Variants in HDAC9 observed in about 807,000 individuals in gnomAD.
HDAC9 encodes the protein MEF-2 interacting transcription repressor (MITR) protein.
HDAC9 carries 41 observed loss-of-function variants against 139.4 expected under a neutral mutation model. The ratio of observed to expected loss-of-function variants is 0.29; its 90% CI spans 0.23 to 0.38. The LOEUF (loss-of-function observed/expected upper bound fraction) is 0.38. Ranked by LOEUF, HDAC9 falls within the 10% of genes least tolerant of loss-of-function variation. The pLI, the probability that HDAC9 is intolerant of heterozygous loss-of-function variation, is 1.00. For missense variants in HDAC9, 1,147 were observed against 1,297.0 expected, an observed-to-expected ratio of 0.88 and a Z score of 1.78; for synonymous variants, 517 against 476.2, an observed-to-expected ratio of 1.09 and a Z score of -1.12.
At chr7:18,094,423 A>G (rs1782368469) in intron 1 of HDAC9, among the ~76,000 whole-genome samples, 1 of 149,228 alleles carries the variant, frequency 6.7e-6, no homozygotes. Flanking sequence ...GACCCAGCCT[A>G]TCTTTGTTAC....
At chr7:18,249,783 T>A (rs1433834215) in intron 2 of HDAC9, among the ~76,000 whole-genome samples, 1 of 152,148 alleles carries the variant, frequency 6.6e-6, no homozygotes, top group Non-Finnish European at 1.5e-5. Context: ...ACCTTATGAA[T>A]TATAATATTA....
intron 2 of HDAC9, among the ~76,000 whole-genome samples, chr7:18,183,167 A>G (rs377519261): frequency 5.0e-4 from 76 of 151,878 alleles, no homozygotes; most frequent in African/African-American, 9.2e-4. Context: ...CTGCCACCAC[A>G]CCCGGCTAAT....
chr7:18,641,913 C>T (rs1034612005), intron 8 of HDAC9, among the ~76,000 whole-genome samples: 2 of 152,030 alleles, frequency 1.3e-5, no homozygotes, highest in East Asian at 1.9e-4. Flanking sequence ...AAGAGATAAA[C>T]GTGGAACAGA....
chr7:18,516,862 GAAAAAAAAAAA>G (rs35689821), intron 2 of HDAC9, among the ~76,000 whole-genome samples: 1 of 55,090 alleles, frequency 1.8e-5, no homozygotes, highest in Non-Finnish European at 3.8e-5. Context: ...CTCCATTTCA[GAAAAAAAAAAA>G]AAAAAAAAAA....
chr7:18,721,897 A>G (rs1401736802), intron 12 of HDAC9, among the ~76,000 whole-genome samples: 1 of 152,200 alleles, frequency 6.6e-6, no homozygotes, highest in Non-Finnish European at 1.5e-5. Flanking sequence ...CTTGTCATAC[A>G]AAGACCTTCT....
intron 13 of HDAC9, among the ~76,000 whole-genome samples, chr7:18,739,562 A>G (rs899078595): frequency 3.9e-5 from 6 of 152,214 alleles, no homozygotes; most frequent in African/African-American, 1.2e-4. Flanking sequence ...GGTCCACTCC[A>G]GACCCTGTTT....
chr7:18,317,963 AAG>A (rs1177052627), intron 1 of HDAC9, among the ~76,000 whole-genome samples: 1 of 152,142 alleles, frequency 6.6e-6, no homozygotes, highest in Non-Finnish European at 1.5e-5. Flanking sequence ...TGGAAATGGG[AAG>A]AGAGTCTTGC....
chr7:18,171,383 ATC>A (rs1320392948), intron 2 of HDAC9, among the ~76,000 whole-genome samples: 3 of 152,214 alleles, frequency 2.0e-5, no homozygotes, highest in African/African-American at 7.2e-5. Flanking sequence ...CAATCATGTC[ATC>A]TGCAAACAGG....
At chr7:18,195,225 G>C (rs570516625) in intron 2 of HDAC9, among the ~76,000 whole-genome samples, 1 of 151,932 alleles carries the variant, frequency 6.6e-6, no homozygotes, top group Non-Finnish European at 1.5e-5. Context: ...AAAACCTAAG[G>C]TTCCCATATT....
chr7:18,916,070 C>T (rs1803183554), intron 22 of HDAC9, among the ~76,000 whole-genome samples: 1 of 150,452 alleles, frequency 6.6e-6, no homozygotes. Context: ...AGTCGTTAGG[C>T]CATACCCAAA....
At chr7:18,889,201 A>C (rs886403832) in intron 22 of HDAC9, among the ~76,000 whole-genome samples, 15 of 152,122 alleles carry the variant, frequency 9.9e-5, no homozygotes, top group African/African-American at 3.6e-4. Flanking sequence ...GGGTCTTTGC[A>C]TGAAAAGATC....
chr7:18,930,163 A>G (rs1346711232), intron 22 of HDAC9, among the ~76,000 whole-genome samples: 1 of 152,088 alleles, frequency 6.6e-6, no homozygotes, highest in Non-Finnish European at 1.5e-5. Flanking sequence ...GTGGTTGTTG[A>G]GAACCCCGTT....
At chr7:18,499,594 C>G (rs1797842546) in intron 2 of HDAC9, among the ~76,000 whole-genome samples, 1 of 152,012 alleles carries the variant, frequency 6.6e-6, no homozygotes, top group Non-Finnish European at 1.5e-5. Context: ...CAGGAGCTGG[C>G]AGGATTAGGG....
At chr7:18,751,658 CT>C (rs1788458945) in intron 14 of HDAC9, among the ~76,000 whole-genome samples, 1 of 151,752 alleles carries the variant, frequency 6.6e-6, no homozygotes, top group African/African-American at 2.4e-5. Flanking sequence ...ATACCTAGGA[CT>C]TTAATGGCAG....
At chr7:18,152,304 G>T (rs1199680392) in intron 1 of HDAC9, among the ~76,000 whole-genome samples, 5 of 152,200 alleles carry the variant, frequency 3.3e-5, no homozygotes, top group Non-Finnish European at 7.3e-5. Flanking sequence ...TGAGGAAACT[G>T]AAGGTCAGAA....
chr7:18,454,347 G>A (rs1327715033), intron 1 of HDAC9, among the ~76,000 whole-genome samples: 2 of 152,006 alleles, frequency 1.3e-5, no homozygotes, highest in Non-Finnish European at 1.5e-5. Context: ...TATTTGAATA[G>A]CACTTTAAAA....
intron 1 of HDAC9, among the ~76,000 whole-genome samples, chr7:18,340,254 T>G (rs560708786): frequency 6.6e-6 from 1 of 151,658 alleles, no homozygotes; most frequent in South Asian, 2.1e-4. Flanking sequence ...TTAACCTATT[T>G]GAGTCATATT....
At chr7:18,979,586 C>T (rs567099187) in intron 25 of HDAC9, among the ~76,000 whole-genome samples, 6 of 152,120 alleles carry the variant, frequency 3.9e-5, no homozygotes, top group East Asian at 1.9e-4. Context: ...TAAATAGCTG[C>T]GAATGGGTAA....
intron 1 of HDAC9, among the ~76,000 whole-genome samples, chr7:18,394,273 A>G (rs374757936): frequency 1.3e-5 from 2 of 152,196 alleles, no homozygotes; most frequent in Non-Finnish European, 2.9e-5. Flanking sequence ...TAGGTGTCAC[A>G]TTTATTTTAA....
Sources: gnomAD v4.1 joint callset for allele counts (sites outside exome capture counted in the v4.1 genomes callset) on GRCh38, gnomAD v4.1.1 for gene constraint, MANE v1.5 for transcripts, NCBI Gene and HGNC (gene_info 2026-07-23, HGNC 2026-07-21) for gene names.